Variants in DMD observed in about 807,000 individuals in gnomAD.
DMD encodes the protein mutant dystrophin.
Under a neutral mutation model 330.1 loss-of-function variants are expected in DMD, and 63 were observed. The ratio of observed to expected loss-of-function variants is 0.19; its 90% CI spans 0.16 to 0.24. DMD has a LOEUF of 0.24. Among genes scored for constraint, DMD ranks in the 10% least tolerant of loss-of-function variants. The pLI is 1.00. For synonymous variants in DMD, 1,223 were observed against 959.8 expected (o/e 1.27, Z -5.07); for missense variants, 3,344 against 2,684.1 (o/e 1.25, Z -5.43).
intron 55 of DMD, among the ~76,000 whole-genome samples, chrX:31,601,570 C>A (rs1185584586): frequency 9.0e-6 from 1 of 111,474 alleles, no homozygotes; most frequent in Non-Finnish European, 1.9e-5. Context: ...CTGATTGGGG[C>A]TGAGCTACAT....
chrX:31,422,141 G>T (rs1461542553), intron 60 of DMD, among the ~76,000 whole-genome samples: 1 of 105,917 alleles, frequency 9.4e-6, no homozygotes. Flanking sequence ...GAGTAGCTGG[G>T]ACTATGGGTG....
At chrX:31,497,849 A>G (rs1430531551) in intron 56 of DMD, among the ~76,000 whole-genome samples, 3 of 112,462 alleles carry the variant, frequency 2.7e-5, no homozygotes, top group African/African-American at 9.7e-5. Context: ...TCACTCAGCT[A>G]TTATCAGCAA....
chrX:32,757,708 C>G (rs111981052), intron 7 of DMD, among the ~76,000 whole-genome samples: 4,065 of 111,828 alleles, frequency 0.036, 181 homozygotes, highest in African/African-American at 0.12. Flanking sequence ...TGAGGCCTCC[C>G]CAGCCATGTA....
intron 2 of DMD, among the ~76,000 whole-genome samples, chrX:32,858,387 T>C (rs1408122332): frequency 2.7e-5 from 3 of 112,438 alleles, no homozygotes; most frequent in African/African-American, 9.7e-5. Flanking sequence ...TGGAGTGCAG[T>C]GGCGCAATCT....
At chrX:32,927,054 C>T (rs905680020) in intron 2 of DMD, among the ~76,000 whole-genome samples, 1 of 111,427 alleles carries the variant, frequency 9.0e-6, no homozygotes, top group African/African-American at 3.3e-5. Flanking sequence ...TAGCTGTAAT[C>T]ACTAAATAAA....
chrX:32,857,070 G>A (rs1457498081), intron 2 of DMD, among the ~76,000 whole-genome samples: 5 of 103,470 alleles, frequency 4.8e-5, no homozygotes, highest in South Asian at 4.4e-4. Context: ...GCAAGACTGC[G>A]TCTCAAAAAA....
intron 57 of DMD, among the ~76,000 whole-genome samples, chrX:31,490,520 C>T (rs1043284975): frequency 9.0e-6 from 1 of 111,087 alleles, no homozygotes; most frequent in Non-Finnish European, 1.9e-5. Flanking sequence ...CGCACCGCTG[C>T]ACTCCAGCCT....
Position 32,278,222 on chromosome X carries a change from A to G in DMD, c.6290+9307T>C, listed in dbSNP as rs1158923436. Among the ~76,000 whole-genome samples the G allele has an allele frequency of 9.0e-5, 10 of 111,362 alleles. No individual in the cohort carries two copies. The East Asian group carries it at 2.3e-3, about 25-fold the overall frequency. On this transcript the variant is annotated intron_variant, in intron 43 of 78. Transcript: ENST00000357033. ...ATTGAAAAATCTAGAGGTAATGGAT[A>G]AATTCCTAGACACATACAACCTACC...
intron 2 of DMD, among the ~76,000 whole-genome samples, chrX:32,926,336 A>G (rs2089008707): frequency 8.9e-6 from 1 of 112,276 alleles, no homozygotes; most frequent in Non-Finnish European, 1.9e-5. Flanking sequence ...ATCAAAGAAT[A>G]CAAAATTTCA....
intron 55 of DMD, among the ~76,000 whole-genome samples, chrX:31,585,911 GT>G (rs770455661): frequency 9.4e-6 from 1 of 106,239 alleles, no homozygotes; most frequent in African/African-American, 3.4e-5. Flanking sequence ...TCTGTATATA[GT>G]TTTTTTTTTG....
chrX:32,759,451 A>G (rs2148362625), intron 7 of DMD, among the ~76,000 whole-genome samples: 1 of 111,301 alleles, frequency 9.0e-6, no homozygotes, highest in Admixed American at 9.6e-5. Context: ...CACTTTCCCC[A>G]CTTTCTTTCC....
chrX:31,883,287 A>C (rs1476783654), intron 47 of DMD, among the ~76,000 whole-genome samples: 1 of 111,584 alleles, frequency 9.0e-6, no homozygotes, highest in Non-Finnish European at 1.9e-5. Context: ...AAGTCAAAAG[A>C]GTGCTTATCT....
intron 4 of DMD, among the ~76,000 whole-genome samples, chrX:32,826,720 G>A (rs926118000): frequency 1.8e-5 from 2 of 111,302 alleles, no homozygotes; most frequent in African/African-American, 3.3e-5. Context: ...TTAGGCAGAT[G>A]TTGGTCAAAT....
intron 54 of DMD, among the ~76,000 whole-genome samples, chrX:31,652,777 T>C (rs1316416452): frequency 9.0e-6 from 1 of 110,998 alleles, no homozygotes; most frequent in Non-Finnish European, 1.9e-5. Context: ...TTTCATAAAG[T>C]GGTGGTGCTG....
At chrX:32,162,685 C>T (rs1248991473) in intron 44 of DMD, among the ~76,000 whole-genome samples, 2 of 102,383 alleles carry the variant, frequency 2.0e-5, no homozygotes, top group African/African-American at 3.7e-5. Flanking sequence ...ATTCTCCTGC[C>T]TCAGCCTCCC....
intron 16 of DMD, among the ~76,000 whole-genome samples, chrX:32,554,941 G>GAAA (rs796623069): frequency 3.3e-5 from 1 of 29,882 alleles, no homozygotes; most frequent in Non-Finnish European, 5.0e-5. Flanking sequence ...AAGAAAGAAA[G>GAAA]AGAGAGAGAG....
At chrX:31,284,571 T>TCTTTCTTCTTCCTCCTC in intron 62 of DMD, among the ~76,000 whole-genome samples, 1 of 79,370 alleles carries the variant, frequency 1.3e-5, no homozygotes, top group African/African-American at 4.9e-5. Flanking sequence ...TTCTTCTTCT[T>TCTTTCTTCTTCCTCCTC]CTTCTTCTTC....
intron 41 of DMD, among the ~76,000 whole-genome samples, chrX:32,312,937 C>T (rs1347328257): frequency 4.2e-5 from 1 of 23,842 alleles, no homozygotes; most frequent in Non-Finnish European, 8.8e-5. Flanking sequence ...TAATAGCCTA[C>T]GAACCAAAAA....
chrX:32,894,338 G>A (rs928216269), intron 2 of DMD, among the ~76,000 whole-genome samples: 1 of 111,679 alleles, frequency 9.0e-6, no homozygotes, highest in Non-Finnish European at 1.9e-5. Flanking sequence ...TTTACATACA[G>A]GGGAGGGAAT....
Sources: gnomAD v4.1 joint callset for allele counts (sites outside exome capture counted in the v4.1 genomes callset) on GRCh38, gnomAD v4.1.1 for gene constraint, MANE v1.5 for transcripts, NCBI Gene and HGNC (gene_info 2026-07-23, HGNC 2026-07-21) for gene names.